The following ZNF540 variants were observed in gnomAD, a reference collection of about 807,000 sequenced individuals.
The protein encoded by ZNF540 is CTD-3064H18.6.
A neutral mutation model predicts 11.8 loss-of-function variants in ZNF540; 3 were observed. The ratio of observed to expected loss-of-function variants is 0.25; its 90% CI spans 0.12 to 0.65. The LOEUF is 0.65. ZNF540 is among the 30% of genes least tolerant of loss of function. ZNF540 has a pLI of 0.83. For synonymous variants in ZNF540, 247 were observed against 259.0 expected, an observed-to-expected ratio of 0.95 and a Z score of 0.45; for missense variants, 709 against 793.1, an observed-to-expected ratio of 0.89 and a Z score of 1.27.
At chr19:37,599,782 C>T in intron 3 of ZNF540, 30 bp downstream of exon 3, 1 of 1,529,678 alleles carries the variant, frequency 6.5e-7, no homozygotes, top group Non-Finnish European at 8.8e-7. Flanking sequence ...ATAATGTAGA[C>T]TCTGTTATCT....
intron 1 of ZNF540, among the ~76,000 whole-genome samples, chr19:37,579,441 A>C (rs1190804916): frequency 2.6e-5 from 4 of 152,230 alleles, no homozygotes; most frequent in Non-Finnish European, 5.9e-5. Context: ...CTTCTACAGG[A>C]AGCAGCAGTA....
At chr19:37,609,557 A>C (rs2044112096) in intron 4 of ZNF540, among the ~76,000 whole-genome samples, 1 of 150,888 alleles carries the variant, frequency 6.6e-6, no homozygotes, top group Non-Finnish European at 1.5e-5. Context: ...GGGGCAAAAA[A>C]AGTAGAGTGG....
At chr19:37,564,151 G>C (rs944689627) in intron 1 of ZNF540, 1 of 152,172 alleles carries the variant, frequency 6.6e-6, no homozygotes, top group East Asian at 1.9e-4. Context: ...ATAAGAGAAT[G>C]GTTGCATCTT....
At chr19:37,565,830 A>G (rs1201229962) in intron 1 of ZNF540, 1 of 1,613,656 alleles carries the variant, frequency 6.2e-7, no homozygotes, top group Non-Finnish European at 8.5e-7. Flanking sequence ...GCCTTTCCAC[A>G]TTCCATACAC....
chr19:37,574,071 G>A (rs1396767206), intron 1 of ZNF540, among the ~76,000 whole-genome samples: 2 of 151,982 alleles, frequency 1.3e-5, no homozygotes, highest in Non-Finnish European at 2.9e-5. Context: ...CTATGCTCTG[G>A]ATCCATTATT....
At chr19:37,604,814 A>G (rs568318959) in intron 4 of ZNF540, among the ~76,000 whole-genome samples, 23 of 152,272 alleles carry the variant, frequency 1.5e-4, no homozygotes, top group Non-Finnish European at 2.2e-4. Context: ...CTTTCAGCTC[A>G]GCCCGTGACA....
intron 1 of ZNF540, among the ~76,000 whole-genome samples, chr19:37,557,270 G>C (rs768820264): frequency 3.3e-5 from 5 of 152,202 alleles, no homozygotes; most frequent in Non-Finnish European, 7.3e-5. Flanking sequence ...CCTGGTCGCA[G>C]GTTGTTCCCC....
chr19:37,578,272 TCA>T (rs1346303932), intron 1 of ZNF540, among the ~76,000 whole-genome samples: 1 of 152,092 alleles, frequency 6.6e-6, no homozygotes, highest in Non-Finnish European at 1.5e-5. Context: ...GCCAGGGAAC[TCA>T]CAGAGAACAG....
intron 1 of ZNF540, chr19:37,562,324 T>C (rs1253822454): frequency 6.6e-6 from 1 of 151,530 alleles, no homozygotes; most frequent in Non-Finnish European, 1.5e-5. Context: ...GAGGTTGCAA[T>C]GAGCCAAGAT....
At chr19:37,606,755 C>G (rs2044088645) in intron 4 of ZNF540, among the ~76,000 whole-genome samples, 1 of 152,082 alleles carries the variant, frequency 6.6e-6, no homozygotes, top group African/African-American at 2.4e-5. Flanking sequence ...TATTGAGTTG[C>G]AAGAGTTTTA....
At position 37,613,769 on chromosome 19, in the gene ZNF540, C is replaced by A. The variant is rs994270593; in HGVS notation, c.*506C>A. On this transcript the variant is annotated 3_prime_UTR_variant, in exon 5 of 5. Transcript: ENST00000316433. The stretch of plus-strand genomic sequence containing the variant: ...ATCACTTACATTTCATGAAGTACTT[C>A]TTTGATAAAATCTGTTATGGGCTGA... 8 of 398,574 alleles carry A rather than the reference C, an allele frequency of 2.0e-5. No individual in the cohort carries two copies. Among genetic ancestry groups the A allele is most frequent in the Non-Finnish European group, 3.5e-5 (8 of 226,178 alleles). 24.7% of individuals were successfully genotyped at this position (398,574 alleles called of 1,614,324 possible).
chr19:37,555,872 G>A, intron 1 of ZNF540: 1 of 700,562 alleles, frequency 1.4e-6, no homozygotes, highest in East Asian at 2.7e-5. Flanking sequence ...ACATAATTTA[G>A]GACGAGAAGC....
At position 37,603,004 on chromosome 19, in the gene ZNF540, C is replaced by CTTTT. The variant is rs569985494; in HGVS notation, c.232+1916_232+1919dup. On this transcript the variant is annotated intron_variant, in intron 4 of 4. Coordinates refer to ENST00000316433, the MANE Select transcript of ZNF540 (RefSeq NM_001172225.3). ...GAAGAGGATATGGGATGTAAGGAGTCTTTTTTTTTTTTTTTTTTTTGAGAC... is the reference window on the plus strand; with the variant it reads ...GAAGAGGATATGGGATGTAAGGAGTCTTTTTTTTTTTTTTTTTTTTTTTTGAGAC... Among the ~76,000 whole-genome samples, 22 of 113,236 alleles carry CTTTT rather than the reference C, an allele frequency of 1.9e-4. 1 individual carries two copies. The highest frequency in any genetic ancestry group is 6.1e-4 in the African/African-American group (18 of 29,466). 74.3% of individuals were successfully genotyped at this position (113,236 alleles called of 152,430 possible). A position where few individuals can be genotyped will look rare whatever the true frequency, so the allele number is the denominator to read the frequency against.
At chr19:37,583,336 T>C (rs1383319607) in intron 1 of ZNF540, 2 of 152,308 alleles carry the variant, frequency 1.3e-5, no homozygotes, top group African/African-American at 4.8e-5. Flanking sequence ...GATAAAAGCA[T>C]TGTCCCCAAA....
chr19:37,612,910 A>C lies in ZNF540; in HGVS notation c.1630A>C (p.Ile544Leu). 6.2e-7 allele frequency: 1 copy of C among 1,614,096 alleles called. No individual in the cohort carries two copies. Among genetic ancestry groups the C allele is most frequent in the Non-Finnish European group, 8.5e-7 (1 of 1,179,988 alleles). ...RRGNLKEHLKIHSGLKPYDCK... is the reference protein window; with the variant it reads ...RRGNLKEHLKLHSGLKPYDCK... ...AGGGAATCTTAAAGAACATCTGAAA[A>C]TTCATTCTGGTTTAAAACCCTATGA... is the stretch of plus-strand genomic sequence containing the variant. Residue 544 changes from isoleucine to leucine, a missense_variant, in exon 5 of 5, where the codon ATT (isoleucine) becomes CTT (leucine). Physicochemically the swap from Ile to Leu is conservative, Grantham distance 5. Transcript: ENST00000316433.
chr19:37,592,636 C>T (rs2043900591), upstream of ZNF540, among the ~76,000 whole-genome samples: 1 of 152,184 alleles, frequency 6.6e-6, no homozygotes, highest in Non-Finnish European at 1.5e-5. Flanking sequence ...GAAAGTGGGA[C>T]ATCAGACTGT....
At chr19:37,573,668 C>A (rs1406292484) in intron 1 of ZNF540, among the ~76,000 whole-genome samples, 1,530 of 86,864 alleles carry the variant, frequency 0.018, no homozygotes, top group African/African-American at 0.022. Flanking sequence ...CTTGTGTCTA[C>A]AAAAAAAAAA....
At position 37,610,296 on chromosome 19, in the gene ZNF540, T is replaced by A. The variant is rs755557119; in HGVS notation, c.233-1217T>A. ...GATTAATTTATTGTACAGTCAGTTGTTTAATGCCTGCTGTATGCTAGTGGG... is the reference window on the plus strand; with the variant it reads ...GATTAATTTATTGTACAGTCAGTTGATTAATGCCTGCTGTATGCTAGTGGG... On this transcript the variant is annotated intron_variant, in intron 4 of 4. Transcript: ENST00000316433. Among the ~76,000 whole-genome samples the A allele has an allele frequency of 9.2e-5, 14 of 152,330 alleles. No individual in the cohort carries two copies. In the East Asian group the frequency reaches 1.3e-3, roughly 15 times the overall value.
At chr19:37,599,001 A>C (rs2044017739) in intron 2 of ZNF540, among the ~76,000 whole-genome samples, 2 of 152,170 alleles carry the variant, frequency 1.3e-5, no homozygotes, top group African/African-American at 4.8e-5. Flanking sequence ...CTTAATCTCA[A>C]GAAAAAAGAA....
Sources: allele counts gnomAD v4.1 joint callset (sites outside exome capture counted in the v4.1 genomes callset), GRCh38; gene constraint gnomAD v4.1.1; transcripts MANE v1.5; gene names NCBI Gene and HGNC (gene_info 2026-07-23, HGNC 2026-07-21).